MAP4: variants seen among roughly 807,000 people sequenced by gnomAD.
MAP4 encodes microtubule associated protein 4.
In MAP4, 76 loss-of-function variants were observed where a neutral mutation model predicts 170.2. The ratio of observed to expected loss-of-function variants is 0.45; its 90% CI spans 0.37 to 0.54. The LOEUF (loss-of-function observed/expected upper bound fraction) is 0.54. Among genes scored for constraint, MAP4 ranks in the 20% least tolerant of loss-of-function variants. The pLI is 0.00. For synonymous variants in MAP4, 909 were observed against 994.5 expected, an observed-to-expected ratio of 0.91 and a Z score of 1.62; for missense variants, 2,506 against 2,748.0, an observed-to-expected ratio of 0.91 and a Z score of 1.97.
intron 3 of MAP4, among the ~76,000 whole-genome samples, chr3:47,965,330 T>C (rs562609130): frequency 3.3e-5 from 5 of 152,342 alleles, no homozygotes; most frequent in African/African-American, 1.2e-4. Flanking sequence ...CTTCCATCTT[T>C]TGGCCACTGT....
rs540181193 is a variant in MAP4, at chr3:47,862,333, CG to C, written c.6502-4822del. Among the ~76,000 whole-genome samples, 37 of 111,492 alleles carry C rather than the reference CG, an allele frequency of 3.3e-4. No individual in the cohort carries two copies. In the East Asian group the frequency reaches 8.4e-3, roughly 25 times the overall value. 73.1% of individuals were successfully genotyped at this position (111,492 alleles called of 152,430 possible). On this transcript the variant is annotated intron_variant, in intron 17 of 20. Transcript: ENST00000683076. ...ATAGTTTCATGCCTGAGGGACAGAG[CG>C]AGACTGTGTCTCAAAAAAAAAAAAA...
At chr3:47,881,475 T>TGC (rs2096729839) in intron 10 of MAP4, among the ~76,000 whole-genome samples, 1 of 100,952 alleles carries the variant, frequency 9.9e-6, no homozygotes, top group African/African-American at 3.6e-5. Context: ...TATATATATA[T>TGC]ATATATATAT....
intron 15 of MAP4, 133 bp downstream of exon 15, chr3:47,870,680 C>T (rs1331595130): frequency 7.5e-6 from 7 of 934,184 alleles, no homozygotes; most frequent in South Asian, 2.3e-5. Context: ...TACAGAGCCC[C>T]GGCTGAAATA....
chr3:47,871,849 G>A, intron 13 of MAP4, 68 bp downstream of exon 13: 1 of 1,468,442 alleles, frequency 6.8e-7, no homozygotes, highest in Non-Finnish European at 9.3e-7. Context: ...CTAGAGCTAT[G>A]GCTGGGGCAA....
intron 10 of MAP4, chr3:47,891,447 C>T (rs2100023884): frequency 2.6e-6 from 4 of 1,530,664 alleles, no homozygotes; most frequent in Non-Finnish European, 2.6e-6. Flanking sequence ...GCAGGAGCTC[C>T]CAGTTTCCCA....
rs192089715 is a variant in MAP4 at position 47,904,423 on chromosome 3, C to A, written c.5384-1423G>T. Among the ~76,000 whole-genome samples the A allele has an allele frequency of 2.9e-4, 44 of 151,048 alleles. 1 individual carries two copies. Among genetic ancestry groups the A allele is most frequent in the Admixed American group, 2.5e-3 (38 of 15,126 alleles). ...CTCTGCCTCCTAGGTTCAAGAAATT[C>A]TCCTGAGCCTCCTGAGTAGCTGGGA... On this transcript the variant is annotated intron_variant, in intron 9 of 20. Coordinates refer to ENST00000683076, the MANE Select transcript of MAP4 (RefSeq NM_001385682.1).
chr3:47,925,436 G>A (rs2100045263), intron 4 of MAP4, among the ~76,000 whole-genome samples: 1 of 152,100 alleles, frequency 6.6e-6, no homozygotes, highest in African/African-American at 2.4e-5. Flanking sequence ...GCTGCAGTGA[G>A]CCCAGACTGT....
chr3:47,865,588 G>A (rs779882446), intron 17 of MAP4, among the ~76,000 whole-genome samples: 16 of 152,202 alleles, frequency 1.1e-4, no homozygotes, highest in Non-Finnish European at 2.1e-4. Context: ...GTATCTGTAG[G>A]CCATGGGCAG....
chr3:48,004,995 T>C (rs1334635585), intron 1 of MAP4, among the ~76,000 whole-genome samples: 1 of 152,180 alleles, frequency 6.6e-6, no homozygotes, highest in African/African-American at 2.4e-5. Context: ...TCTAGACCTA[T>C]AACTCAAGTC....
At chr3:47,947,552 C>T (rs565663410) in intron 3 of MAP4, among the ~76,000 whole-genome samples, 1 of 152,088 alleles carries the variant, frequency 6.6e-6, no homozygotes, top group Non-Finnish European at 1.5e-5. Flanking sequence ...GTGGCTCATG[C>T]CTGTAATCCC....
At chr3:47,954,876 T>C (rs2100066731) in intron 3 of MAP4, among the ~76,000 whole-genome samples, 1 of 152,186 alleles carries the variant, frequency 6.6e-6, no homozygotes, top group South Asian at 2.1e-4. Context: ...CATACTTGAC[T>C]ATTGGCAGAG....
chr3:47,889,661 G>A (rs1431475843), intron 10 of MAP4, among the ~76,000 whole-genome samples: 1 of 152,140 alleles, frequency 6.6e-6, no homozygotes, highest in African/African-American at 2.4e-5. Flanking sequence ...GAATTAGAAA[G>A]AACTTGTTCT....
intron 17 of MAP4, among the ~76,000 whole-genome samples, 168 bp from the exon 18 acceptor site, chr3:47,857,680 C>T (rs1005691659): frequency 1.3e-5 from 2 of 151,576 alleles, no homozygotes; most frequent in Non-Finnish European, 2.9e-5. Context: ...CTTAAAAGAG[C>T]CCTCGACCCA....
intron 2 of MAP4, among the ~76,000 whole-genome samples, chr3:47,993,981 G>T (rs2100093900): frequency 6.6e-6 from 1 of 152,146 alleles, no homozygotes; most frequent in African/African-American, 2.4e-5. Flanking sequence ...ATTTGTGACA[G>T]TTTTGATGAG....
chr3:47,859,388 T>G (rs937476685), intron 17 of MAP4, among the ~76,000 whole-genome samples: 3 of 152,242 alleles, frequency 2.0e-5, no homozygotes, highest in African/African-American at 7.2e-5. Flanking sequence ...TCACCATGTT[T>G]CCAGAGGACA....
intron 1 of MAP4, among the ~76,000 whole-genome samples, chr3:48,008,037 T>C (rs2100103330): frequency 6.6e-6 from 1 of 152,314 alleles, no homozygotes; most frequent in South Asian, 2.1e-4. Context: ...CAAGTCACCA[T>C]GCGACCTGAA....
At chr3:47,889,464 G>A (rs2098211865) in intron 10 of MAP4, among the ~76,000 whole-genome samples, 1 of 152,220 alleles carries the variant, frequency 6.6e-6, no homozygotes, top group Non-Finnish European at 1.5e-5. Flanking sequence ...TGAGGATAAG[G>A]ATAATTTCCA....
chr3:47,987,404 G>A, intron 2 of MAP4: 1 of 1,533,326 alleles, frequency 6.5e-7, no homozygotes, highest in Non-Finnish European at 8.7e-7. Context: ...TGAAAAGAAA[G>A]GCTGGCAGGG....
At chr3:48,028,146 G>T (rs2100114062) in intron 1 of MAP4, among the ~76,000 whole-genome samples, 1 of 152,094 alleles carries the variant, frequency 6.6e-6, no homozygotes, top group African/African-American at 2.4e-5. Flanking sequence ...ACAAAAATTA[G>T]CCAGGTGTGG....
Sources: gnomAD v4.1 joint callset for allele counts (sites outside exome capture counted in the v4.1 genomes callset) on GRCh38, gnomAD v4.1.1 for gene constraint, MANE v1.5 for transcripts, NCBI Gene and HGNC (gene_info 2026-07-23, HGNC 2026-07-21) for gene names.